The following NCALD variants were observed in gnomAD, a reference collection of about 807,000 sequenced individuals.
The protein encoded by NCALD is neurocalcin-delta.
Under a neutral mutation model 18.6 loss-of-function variants are expected in NCALD, and 10 were observed. The ratio of observed to expected loss-of-function variants is 0.54; its 90% CI spans 0.33 to 0.91. The LOEUF (loss-of-function observed/expected upper bound fraction) is 0.91. Ranked by LOEUF, NCALD falls within the 40% of genes least tolerant of loss-of-function variation. NCALD has a pLI of 0.03. For synonymous variants in NCALD, 88 were observed against 87.4 expected (o/e 1.01, Z -0.04); for missense variants, 184 against 247.6 (o/e 0.74, Z 1.72).
Position 102,032,236 on chromosome 8 carries a change from G to A in NCALD, c.-209-11947C>T, listed in dbSNP as rs557021320. Among the ~76,000 whole-genome samples, 12 of 152,316 alleles carry A rather than the reference G, an allele frequency of 7.9e-5. No homozygotes were observed. In the East Asian group the frequency reaches 2.3e-3, roughly 29 times the overall value. On this transcript the variant is annotated intron_variant, in intron 1 of 6. Coordinates refer to the NCALD transcript ENST00000311028. ...TCCTATGGATACAAGTAAGCCATAT[G>A]ATTTGATGGCTCAGATTCCTACGGC...
intron 2 of NCALD, among the ~76,000 whole-genome samples, chr8:101,923,335 A>G (rs1178383189): frequency 6.6e-6 from 1 of 152,230 alleles, no homozygotes; most frequent in Non-Finnish European, 1.5e-5. Flanking sequence ...TTGCTAATCT[A>G]TCTCACTCCC....
chr8:101,972,926 ACAGT>A (rs2131902233), intron 2 of NCALD, among the ~76,000 whole-genome samples: 1 of 152,256 alleles, frequency 6.6e-6, no homozygotes, highest in South Asian at 2.1e-4. Context: ...GTGGGAAGAG[ACAGT>A]TGTCACTTTA....
Position 101,732,971 on chromosome 8 carries a change from C to A in NCALD, c.-19-13323G>T, listed in dbSNP as rs77702987. Among the ~76,000 whole-genome samples, 781 of 152,174 alleles carry A rather than the reference C, an allele frequency of 5.1e-3. 36 individuals are homozygous for A. The East Asian group carries it at 0.11, about 22-fold the overall frequency. ...AGAATTGATGTGAGATATGCTATAT[C>A]TTGGTTTTTCTCCAAGGATAAGGGG... On this transcript the variant is annotated intron_variant, in intron 1 of 3. Coordinates refer to ENST00000220931, the MANE Select transcript of NCALD (RefSeq NM_032041.3).
chr8:101,931,295 G>C (rs1443445560), intron 2 of NCALD, among the ~76,000 whole-genome samples: 1 of 152,194 alleles, frequency 6.6e-6, no homozygotes. Flanking sequence ...TCATTCATTT[G>C]AGCAAGAAAC....
intron 3 of NCALD, among the ~76,000 whole-genome samples, chr8:101,912,054 G>A (rs1012720814): frequency 6.6e-6 from 1 of 152,120 alleles, no homozygotes. Flanking sequence ...TGATTACAAT[G>A]CTGGAGCAAA....
At chr8:101,869,300 T>G (rs138286535) in intron 4 of NCALD, among the ~76,000 whole-genome samples, 385 of 151,906 alleles carry the variant, frequency 2.5e-3, no homozygotes, top group East Asian at 7.2e-3. Context: ...AGGATCAGAG[T>G]CAGGAGTAGG....
At chr8:102,069,283 G>T (rs966814861) in intron 1 of NCALD, among the ~76,000 whole-genome samples, 1 of 151,550 alleles carries the variant, frequency 6.6e-6, no homozygotes. Context: ...ATATCATATT[G>T]TATCCCATTA....
intron 4 of NCALD, among the ~76,000 whole-genome samples, chr8:101,868,989 G>A (rs1233872592): frequency 6.6e-6 from 1 of 152,200 alleles, no homozygotes; most frequent in Non-Finnish European, 1.5e-5. Flanking sequence ...GCCACTCCTA[G>A]GACCTGTGTG....
chr8:101,789,666 T>C (rs1205868412), intron 1 of NCALD, among the ~76,000 whole-genome samples: 4 of 152,214 alleles, frequency 2.6e-5, no homozygotes, highest in Non-Finnish European at 4.4e-5. Flanking sequence ...TAAACCAGTT[T>C]CTTCTACTAA....
chr8:101,913,361 G>A (rs1047422998), intron 3 of NCALD, among the ~76,000 whole-genome samples: 2 of 152,138 alleles, frequency 1.3e-5, no homozygotes, highest in Non-Finnish European at 2.9e-5. Flanking sequence ...CTAGCAGAAT[G>A]CTTTATACAT....
At chr8:102,073,872 C>T (rs1386811977) in intron 1 of NCALD, among the ~76,000 whole-genome samples, 1 of 152,230 alleles carries the variant, frequency 6.6e-6, no homozygotes, top group Non-Finnish European at 1.5e-5. Context: ...CTTTTCACCA[C>T]AGGTTCTCCT....
intron 3 of NCALD, among the ~76,000 whole-genome samples, chr8:101,901,993 A>G (rs1272577521): frequency 4.6e-5 from 7 of 151,878 alleles, no homozygotes; most frequent in Non-Finnish European, 7.4e-5. Flanking sequence ...GTTTCACCAT[A>G]TTGGCCAGGC....
At chr8:101,966,183 C>CAA (rs199649928) in intron 2 of NCALD, among the ~76,000 whole-genome samples, 2 of 134,444 alleles carry the variant, frequency 1.5e-5, no homozygotes, top group Admixed American at 7.3e-5. Flanking sequence ...GCAATCAAAG[C>CAA]AAAAAAAAAA....
intron 3 of NCALD, among the ~76,000 whole-genome samples, chr8:101,904,520 A>C: frequency 6.7e-6 from 1 of 148,534 alleles, no homozygotes; most frequent in Non-Finnish European, 1.5e-5. Flanking sequence ...TCCACATCTC[A>C]CTCCATCCCT....
At position 102,105,915 on chromosome 8, in the gene NCALD, A is replaced by G. The variant is rs574419916; in HGVS notation, c.-210+18322T>C. Among the ~76,000 whole-genome samples, 29 of 152,242 alleles carry G rather than the reference A, an allele frequency of 1.9e-4. No individual in the cohort carries two copies. In the South Asian group the frequency reaches 6.0e-3, roughly 32 times the overall value. ...CACACTACCTCCCAGGATGGGCGAGAAGATTCCGTGAGATAATATACTCGG... is the reference window on the plus strand; with the variant it reads ...CACACTACCTCCCAGGATGGGCGAGGAGATTCCGTGAGATAATATACTCGG... On this transcript the variant is annotated intron_variant, in intron 1 of 6. Coordinates refer to the NCALD transcript ENST00000311028.
At chr8:101,692,951 G>C (rs1814801775) in intron 2 of NCALD, 55 bp from the exon 3 acceptor site, 2 of 1,315,912 alleles carry the variant, frequency 1.5e-6, no homozygotes, top group Non-Finnish European at 2.2e-6. Context: ...GCACACAATA[G>C]ACCTATCATT....
Position 101,688,885 on chromosome 8 carries a change from C to G in NCALD, c.*424G>C, listed in dbSNP as rs1586202206. 1 of 625,490 alleles carries G rather than the reference C, an allele frequency of 1.6e-6. No individual in the cohort carries two copies. The highest frequency in any genetic ancestry group is 2.9e-6 in the Non-Finnish European group (1 of 350,726). The allele number at this position is 625,490 out of a possible 1,614,324, so 38.7% of individuals were successfully genotyped here. On this transcript the variant is annotated 3_prime_UTR_variant, in exon 4 of 4. Transcript: ENST00000220931. ...CCAGCATCCGGTGCCATCCATCACC[C>G]CTACGGCACGTGTGACAACAGATTC... is the stretch of plus-strand genomic sequence containing the variant.
chr8:102,051,112 C>T (rs1823442536), intron 1 of NCALD, among the ~76,000 whole-genome samples: 1 of 152,078 alleles, frequency 6.6e-6, no homozygotes, highest in Admixed American at 6.5e-5. Context: ...TCTCTCTGCC[C>T]TGTCTCTCAA....
chr8:101,711,487 T>C (rs553705007), intron 2 of NCALD, among the ~76,000 whole-genome samples: 1 of 152,096 alleles, frequency 6.6e-6, no homozygotes, highest in South Asian at 2.1e-4. Flanking sequence ...TAAAGGAGCA[T>C]GTTCTAACCC....
Sources: gnomAD v4.1 joint callset for allele counts (sites outside exome capture counted in the v4.1 genomes callset) on GRCh38, gnomAD v4.1.1 for gene constraint, MANE v1.5 for transcripts, NCBI Gene and HGNC (gene_info 2026-07-23, HGNC 2026-07-21) for gene names.